The following RBFOX2 variants were observed in gnomAD, a reference collection of about 807,000 sequenced individuals.
The protein encoded by RBFOX2 is RNA binding fox-1 homolog 2.
A neutral mutation model predicts 49.1 loss-of-function variants in RBFOX2; 10 were observed. The ratio of observed to expected loss-of-function variants is 0.20; its 90% CI spans 0.13 to 0.35. The LOEUF is 0.35. RBFOX2 is among the 10% of genes least tolerant of loss of function. The pLI, the probability that RBFOX2 is intolerant of heterozygous loss-of-function variation, is 1.00. For missense variants in RBFOX2, 323 were observed against 486.9 expected, an observed-to-expected ratio of 0.66 and a Z score of 3.17; for synonymous variants, 183 against 187.4, an observed-to-expected ratio of 0.98 and a Z score of 0.19.
At chr22:35,834,846 G>C (rs1957366862) in intron 1 of RBFOX2, among the ~76,000 whole-genome samples, 1 of 152,134 alleles carries the variant, frequency 6.6e-6, no homozygotes, top group Non-Finnish European at 1.5e-5. Flanking sequence ...GAGACTGAAG[G>C]GGAGCAACTG....
intron 9 of RBFOX2, chr22:35,756,132 C>A: frequency 6.7e-7 from 1 of 1,501,072 alleles, no homozygotes. Flanking sequence ...AAAATCCGTC[C>A]TGGTAAACCA....
At chr22:35,905,021 AGGC>A (rs1470347932) in intron 1 of RBFOX2, among the ~76,000 whole-genome samples, 2 of 152,188 alleles carry the variant, frequency 1.3e-5, no homozygotes. Context: ...GGAAGCAAAA[AGGC>A]CCTCTAGGTA....
At chr22:35,786,462 G>A (rs571204175) in intron 2 of RBFOX2, among the ~76,000 whole-genome samples, 27 of 152,302 alleles carry the variant, frequency 1.8e-4, no homozygotes, top group Middle Eastern at 6.8e-3. Context: ...GCATAGAGCT[G>A]AATATTCACA....
At chr22:35,863,150 C>T (rs1288843662) in intron 1 of RBFOX2, among the ~76,000 whole-genome samples, 2 of 152,112 alleles carry the variant, frequency 1.3e-5, no homozygotes, top group East Asian at 1.9e-4. Flanking sequence ...ATTTTTGTAA[C>T]ATATTGTTGT....
chr22:35,966,852 G>A (rs547826687), intron 1 of RBFOX2, among the ~76,000 whole-genome samples: 55 of 151,942 alleles, frequency 3.6e-4, no homozygotes, highest in African/African-American at 1.2e-3. Context: ...TTGCTCTGTT[G>A]CCCAGGCTGG....
intron 9 of RBFOX2, chr22:35,748,251 G>C (rs1933530582): frequency 6.6e-6 from 1 of 152,130 alleles, no homozygotes; most frequent in Non-Finnish European, 1.5e-5. Flanking sequence ...GAGTGACTTA[G>C]AAAGTAAACA....
intron 5 of RBFOX2, among the ~76,000 whole-genome samples, chr22:35,767,482 A>G (rs546238566): frequency 2.0e-5 from 3 of 152,284 alleles, no homozygotes; most frequent in African/African-American, 7.2e-5. Flanking sequence ...CAAAATATGC[A>G]GACATCTTAC....
intron 9 of RBFOX2, among the ~76,000 whole-genome samples, chr22:35,754,737 A>G (rs567781252): frequency 2.8e-4 from 42 of 152,322 alleles, no homozygotes; most frequent in Non-Finnish European, 4.6e-4. Flanking sequence ...AAATATTTTG[A>G]GGAAAGAGGT....
At chr22:35,854,062 A>G (rs1172762672) in intron 1 of RBFOX2, among the ~76,000 whole-genome samples, 1 of 151,962 alleles carries the variant, frequency 6.6e-6, no homozygotes, top group African/African-American at 2.4e-5. Context: ...AATACAAAAA[A>G]TTAGCCAGGC....
At chr22:35,936,453 G>A (rs2053083533) in intron 1 of RBFOX2, among the ~76,000 whole-genome samples, 1 of 152,090 alleles carries the variant, frequency 6.6e-6, no homozygotes, top group Non-Finnish European at 1.5e-5. Context: ...GAGTTCACAA[G>A]GTTAGGCGCA....
At chr22:35,972,216 T>C (rs1045254485) in intron 1 of RBFOX2, among the ~76,000 whole-genome samples, 1 of 152,132 alleles carries the variant, frequency 6.6e-6, no homozygotes, top group East Asian at 1.9e-4. Flanking sequence ...TTTTAGAAAT[T>C]TGAAGTGGCC....
At chr22:35,857,659 T>C (rs769600366) in intron 1 of RBFOX2, among the ~76,000 whole-genome samples, 1 of 152,098 alleles carries the variant, frequency 6.6e-6, no homozygotes, top group African/African-American at 2.4e-5. Context: ...TTGAGATTCC[T>C]CTCCCACACT....
intron 1 of RBFOX2, among the ~76,000 whole-genome samples, chr22:35,918,137 C>T (rs552459184): frequency 3.9e-5 from 6 of 152,174 alleles, no homozygotes; most frequent in Non-Finnish European, 8.8e-5. Flanking sequence ...AGTGTTAGGG[C>T]TGACATGCCA....
intron 1 of RBFOX2, among the ~76,000 whole-genome samples, chr22:35,829,061 C>CAACAA (rs1165073386): frequency 1.3e-5 from 2 of 151,844 alleles, no homozygotes; most frequent in African/African-American, 4.8e-5. Flanking sequence ...AAAAAACAAA[C>CAACAA]AACAAAACAA....
intron 1 of RBFOX2, among the ~76,000 whole-genome samples, chr22:35,818,620 C>CA (rs869256085): frequency 6.6e-6 from 1 of 151,826 alleles, no homozygotes; most frequent in Non-Finnish European, 1.5e-5. Flanking sequence ...CCTATCTCTA[C>CA]AAAAAAAATT....
chr22:35,923,687 T>C (rs775172510), intron 1 of RBFOX2, among the ~76,000 whole-genome samples: 3 of 152,172 alleles, frequency 2.0e-5, no homozygotes, highest in African/African-American at 4.8e-5. Flanking sequence ...GATTTCCTCA[T>C]CTGCCAATGG....
At chr22:35,809,163 A>T (rs979979438) in intron 2 of RBFOX2, among the ~76,000 whole-genome samples, 2 of 152,084 alleles carry the variant, frequency 1.3e-5, no homozygotes, top group Non-Finnish European at 2.9e-5. Context: ...GATGATGATA[A>T]ATTCTTTTAA....
chr22:35,902,421 C>T (rs1001339912), intron 1 of RBFOX2, among the ~76,000 whole-genome samples: 1 of 152,124 alleles, frequency 6.6e-6, no homozygotes, highest in African/African-American at 2.4e-5. Flanking sequence ...TGCCTATGCC[C>T]AATCAGCTGA....
At chr22:35,774,605 A>G (rs1179518479) in intron 4 of RBFOX2, among the ~76,000 whole-genome samples, 1 of 152,170 alleles carries the variant, frequency 6.6e-6, no homozygotes, top group Non-Finnish European at 1.5e-5. Context: ...TATTCATTCT[A>G]TAATCTAAGT....
Sources: gnomAD v4.1 joint callset for allele counts (sites outside exome capture counted in the v4.1 genomes callset) on GRCh38, gnomAD v4.1.1 for gene constraint, MANE v1.5 for transcripts, NCBI Gene and HGNC (gene_info 2026-07-23, HGNC 2026-07-21) for gene names.